Variants in RAPGEF6 observed in about 807,000 individuals in gnomAD.
The protein encoded by RAPGEF6 is PDZ domain containing guanine nucleotide exchange factor (GEF) 2.
RAPGEF6 carries 56 observed loss-of-function variants against 171.4 expected under a neutral mutation model. The observed-to-expected ratio is 0.33, with a 90% CI of 0.26 to 0.41. RAPGEF6 has a LOEUF of 0.41. Ranked by LOEUF, RAPGEF6 falls within the 10% of genes least tolerant of loss-of-function variation. The pLI is 1.00. For missense variants in RAPGEF6, 1,674 were observed against 1,921.4 expected (o/e 0.87, Z 2.41); for synonymous variants, 692 against 650.1 (o/e 1.06, Z -0.98).
intron 7 of RAPGEF6, among the ~76,000 whole-genome samples, chr5:131,518,733 TA>T (rs929718906): frequency 3.9e-5 from 6 of 152,094 alleles, no homozygotes; most frequent in Non-Finnish European, 7.4e-5. Context: ...TGACTACTCT[TA>T]AAAAATTTTA....
intron 22 of RAPGEF6, among the ~76,000 whole-genome samples, chr5:131,446,198 T>C (rs561405805): frequency 1.3e-5 from 2 of 152,286 alleles, no homozygotes; most frequent in East Asian, 3.9e-4. Flanking sequence ...GGGATGAATA[T>C]AAAAATGTTC....
intron 3 of RAPGEF6, among the ~76,000 whole-genome samples, chr5:131,602,860 T>C (rs1764337135): frequency 1.3e-5 from 2 of 152,144 alleles, no homozygotes; most frequent in Non-Finnish European, 1.5e-5. Context: ...CAATTATATA[T>C]TGTACAGCAG....
At chr5:131,475,625 A>G (rs751077173) in intron 16 of RAPGEF6, among the ~76,000 whole-genome samples, 7 of 152,210 alleles carry the variant, frequency 4.6e-5, no homozygotes, top group Non-Finnish European at 1.0e-4. Context: ...AAGCTATGTG[A>G]TTTTTAAAAA....
intron 5 of RAPGEF6, among the ~76,000 whole-genome samples, chr5:131,555,968 C>A (rs1761211935): frequency 6.6e-6 from 1 of 152,138 alleles, no homozygotes; most frequent in Admixed American, 6.5e-5. Context: ...AGCTACCAAC[C>A]TGTAAAGCAT....
chr5:131,603,145 C>T (rs1764352943), intron 3 of RAPGEF6, 126 bp downstream of exon 3: 2 of 724,816 alleles, frequency 2.8e-6, no homozygotes, highest in African/African-American at 1.8e-5. Flanking sequence ...TTATATACTT[C>T]ATGGTCTATG....
chr5:131,447,847 G>T (rs1752821306), intron 21 of RAPGEF6, among the ~76,000 whole-genome samples: 1 of 151,968 alleles, frequency 6.6e-6, no homozygotes, highest in Non-Finnish European at 1.5e-5. Flanking sequence ...ATCTTACACT[G>T]AATGGCAACT....
At chr5:131,585,309 CATACATACATACATACATACATACATAT>C (rs1470794685) in intron 4 of RAPGEF6, among the ~76,000 whole-genome samples, 2 of 148,944 alleles carry the variant, frequency 1.3e-5, no homozygotes, top group African/African-American at 5.1e-5. Flanking sequence ...TACATACATA[CATACATACATACATACATACATACATAT>C]ATATCTCCAT....
chr5:131,521,304 A>C (rs1410093218), intron 7 of RAPGEF6, 86 bp downstream of exon 7: 1 of 1,330,592 alleles, frequency 7.5e-7, no homozygotes, highest in Non-Finnish European at 1.0e-6. Flanking sequence ...ACTCTAAAAG[A>C]TATGTTAACC....
At chr5:131,492,962 GATT>G (rs1554075379) in intron 13 of RAPGEF6, among the ~76,000 whole-genome samples, 177 bp from the exon 14 acceptor site, 1 of 152,108 alleles carries the variant, frequency 6.6e-6, no homozygotes, top group Non-Finnish European at 1.5e-5. Context: ...TTCTAAATAT[GATT>G]ATAAGACTTT....
chr5:131,613,932 G>A (rs150950038), intron 1 of RAPGEF6, among the ~76,000 whole-genome samples: 2 of 151,940 alleles, frequency 1.3e-5, no homozygotes, highest in African/African-American at 2.4e-5. Flanking sequence ...CATAGAATCC[G>A]CTTGGGCAGC....
rs375573222 is a variant in RAPGEF6, at chr5:131,450,501, T to G, written c.3200+2553A>C. ...GGGACATAAAAACATAAAATTTCAT[T>G]TTTAAGTGCAGAAATTTCTGACAAG... On this transcript the variant is annotated intron_variant, in intron 21 of 27. Coordinates refer to ENST00000509018, the MANE Select transcript of RAPGEF6 (RefSeq NM_016340.6). Among the ~76,000 whole-genome samples the G allele has an allele frequency of 4.6e-5, 7 of 152,332 alleles. No homozygotes were observed. In the South Asian group the frequency reaches 1.0e-3, roughly 23 times the overall value.
intron 1 of RAPGEF6, among the ~76,000 whole-genome samples, chr5:131,624,056 C>T (rs1172297378): frequency 2.0e-5 from 3 of 152,172 alleles, no homozygotes; most frequent in Non-Finnish European, 4.4e-5. Flanking sequence ...AGTGAAGAAT[C>T]AGAATGTACC....
intron 13 of RAPGEF6, among the ~76,000 whole-genome samples, chr5:131,494,492 T>G (rs993749657): frequency 6.6e-6 from 1 of 151,900 alleles, no homozygotes; most frequent in South Asian, 2.1e-4. Flanking sequence ...TGAAACAGAG[T>G]TTCAATAGGT....
chr5:131,574,184 G>A (rs1006492162), intron 4 of RAPGEF6, among the ~76,000 whole-genome samples: 2 of 152,174 alleles, frequency 1.3e-5, no homozygotes, highest in African/African-American at 4.8e-5. Context: ...CCTGCAGCCC[G>A]GGATTCCTTC....
rs756306413 is a variant in RAPGEF6 at position 131,464,020 on chromosome 5, T to A, written c.2480+21A>T. On this transcript the variant is annotated intron_variant, in intron 18 of 27. Transcript: ENST00000509018. ...AAAAGCACATCTACAAATAAGCACA[T>A]CCACTAATAAGCTTATTCACCTTCC... The A allele has an allele frequency of 1.3e-5, 20 of 1,544,782 alleles. No homozygotes were observed. The African/African-American group carries it at 2.8e-4, about 21-fold the overall frequency.
chr5:131,619,785 T>TG (rs1475347210), intron 1 of RAPGEF6, among the ~76,000 whole-genome samples: 2 of 152,208 alleles, frequency 1.3e-5, no homozygotes, highest in Admixed American at 6.5e-5. Context: ...TGGTTCTTTC[T>TG]GGATTCTCGT....
At position 131,510,428 on chromosome 5, in the gene RAPGEF6, C is replaced by G; in HGVS notation, c.691G>C (p.Glu231Gln). The change falls in exon 8 of 28, where the codon GAG becomes CAG. Residue 231 changes from glutamate to glutamine, a missense_variant. Transcript: ENST00000509018. ...TCTTCATCTTCCTCTTCGTCATCCT[C>G]AGAATCAACAGGTCCTTCTGGAAGA... Reference protein sequence around the residue: ...TRLPEGPVDSEDDEEEDEEID... With the variant: ...TRLPEGPVDSQDDEEEDEEID... 1 of 1,614,150 alleles carries G rather than the reference C, an allele frequency of 6.2e-7. No individual in the cohort carries two copies. The highest frequency in any genetic ancestry group is 1.1e-5 in the South Asian group (1 of 91,076).
chr5:131,489,658 A>C lies in RAPGEF6; in HGVS notation c.1732-4T>G. On this transcript the variant is annotated splice_region_variant and splice_polypyrimidine_tract_variant and intron_variant, in intron 14 of 27. Coordinates refer to ENST00000509018, the MANE Select transcript of RAPGEF6 (RefSeq NM_016340.6). ...TTTGTCCATTTACTTCCATAATCTT[A>C]AAAGTATTTAAAAAATACAAATTAA... is the stretch of plus-strand genomic sequence containing the variant. The C allele has an allele frequency of 6.9e-7, 1 of 1,458,954 alleles. No homozygotes were observed. Among genetic ancestry groups the C allele is most frequent in the Non-Finnish European group, 9.4e-7 (1 of 1,060,428 alleles). 90.4% of individuals were successfully genotyped at this position (1,458,954 alleles called of 1,614,324 possible).
In RAPGEF6 at chr5:131,634,687, C is replaced by T. The variant is rs1766523563; in HGVS notation, c.69+275G>A. ...TAACTGCGAAACTCATATTACCCAA[C>T]TCAGAAAATACGACTTAGTAATGGT... is the stretch of plus-strand genomic sequence containing the variant. On this transcript the variant is annotated intron_variant, in intron 1 of 27. Coordinates refer to ENST00000509018, the MANE Select transcript of RAPGEF6 (RefSeq NM_016340.6). Among the ~76,000 whole-genome samples the T allele has an allele frequency of 2.0e-5, 3 of 152,180 alleles. No homozygotes were observed. The South Asian group carries it at 6.2e-4, about 31-fold the overall frequency.
Sources: allele counts gnomAD v4.1 joint callset (sites outside exome capture counted in the v4.1 genomes callset), GRCh38; gene constraint gnomAD v4.1.1; transcripts MANE v1.5; gene names NCBI Gene and HGNC (gene_info 2026-07-23, HGNC 2026-07-21).